Variants in ZSCAN5C observed in about 807,000 individuals in gnomAD.
ZSCAN5C encodes zinc finger and SCAN domain containing 5C, also known as zinc finger and SCAN domain-containing protein 5C.
Under a neutral mutation model 17.3 loss-of-function variants are expected in ZSCAN5C, and 11 were observed. The ratio of observed to expected loss-of-function variants is 0.64; its 90% CI spans 0.40 to 1.06. The LOEUF (loss-of-function observed/expected upper bound fraction) is 1.06, where lower values mean the gene tolerates loss of function less well. Among genes scored for constraint, ZSCAN5C ranks in the 50% least tolerant of loss-of-function variants. The pLI is 0.00. For synonymous variants in ZSCAN5C, 229 were observed against 208.4 expected (o/e 1.10, Z -0.85); for missense variants, 698 against 538.9 (o/e 1.30, Z -2.92).
At chr19:56,208,713 C>G in exon 5 of ZSCAN5C, 1 of 1,612,614 alleles carries the variant, frequency 6.2e-7, no homozygotes, top group South Asian at 1.1e-5. Context: ...CCAGTTCATT[C>G]CCCAGGCCCT....
intron 1 of ZSCAN5C, among the ~76,000 whole-genome samples, chr19:56,203,295 A>T (rs908019722): frequency 3.0e-4 from 45 of 151,204 alleles, no homozygotes; most frequent in African/African-American, 8.1e-4. Flanking sequence ...AAAAAAAAAA[A>T]TTTACTTTTA....
rs550690073 is a variant in ZSCAN5C at position 56,203,099 on chromosome 19, A to C, written c.-128+777A>C. Reference sequence around the variant, plus strand: ...TGACAGCGAATACAAAGTGGTTTCTAGGAACATGAACCCCTTTTTTTAGAG... The same window carrying C: ...TGACAGCGAATACAAAGTGGTTTCTCGGAACATGAACCCCTTTTTTTAGAG... On this transcript the variant is annotated intron_variant, in intron 1 of 4. Transcript: ENST00000534327. 4.3e-4 allele frequency among the ~76,000 whole-genome samples: 65 copies of C among 152,026 alleles called. 1 individual carries two copies. The highest frequency in any genetic ancestry group is 1.4e-3 in the African/African-American group (59 of 41,298).
exon 5 of ZSCAN5C, chr19:56,208,976 C>A (rs778059773): frequency 2.5e-6 from 4 of 1,613,478 alleles, no homozygotes; most frequent in Non-Finnish European, 3.4e-6. Context: ...GCAGTTCACC[C>A]AGAAGTCCTA....
chr19:56,205,651 C>T, intron 1 of ZSCAN5C, 136 bp from the exon 2 acceptor site: 1 of 411,570 alleles, frequency 2.4e-6, no homozygotes. Context: ...GGAAGAATAA[C>T]AGAGTGGATT....
At chr19:56,208,774 C>G in exon 5 of ZSCAN5C, 14 of 1,596,640 alleles carry the variant, frequency 8.8e-6, no homozygotes, top group Non-Finnish European at 1.2e-5. Flanking sequence ...AACTGCTGCC[C>G]TTTGCATGTG....
chr19:56,205,913 C>T (rs562462921), exon 2 of ZSCAN5C: 71 of 1,135,666 alleles, frequency 6.3e-5, no homozygotes, highest in Middle Eastern at 1.9e-4. Context: ...CCCCAGTAGA[C>T]ATGGCTGCAA....
intron 1 of ZSCAN5C, among the ~76,000 whole-genome samples, chr19:56,203,248 A>G (rs952574652): frequency 2.0e-5 from 3 of 151,680 alleles, no homozygotes; most frequent in Non-Finnish European, 4.4e-5. Flanking sequence ...CCAGAATTTC[A>G]GGCTGCCTTT....
At chr19:56,208,775 T>C (rs1053407521) in exon 5 of ZSCAN5C, 2 of 1,596,040 alleles carry the variant, frequency 1.3e-6, no homozygotes, top group Non-Finnish European at 1.7e-6. Flanking sequence ...ACTGCTGCCC[T>C]TTGCATGTGA....
chr19:56,205,800 CAGTGAATCTATTACTG>C lies in ZSCAN5C; in HGVS notation c.-111_-96del. The C allele has an allele frequency of 1.7e-6, 1 of 592,288 alleles. No homozygotes were observed. Among genetic ancestry groups the C allele is most frequent in the Non-Finnish European group, 3.0e-6 (1 of 332,814 alleles). The allele number at this position is 592,288 out of a possible 1,614,324, so 36.7% of individuals were successfully genotyped here. ...TTTTCCCTGCAGACTTCTGAATGAA[CAGTGAATCTATTACTG>C]AGAAAAACCAGGGGTGGCCTGTGTA... is the stretch of plus-strand genomic sequence containing the variant. On this transcript the variant is annotated 5_prime_UTR_variant, in exon 2 of 5. It introduces an in-frame stop codon into an upstream open reading frame of the 5' UTR. Coordinates refer to ENST00000534327, the Ensembl canonical transcript of ZSCAN5C.
chr19:56,207,168 G>C lies in ZSCAN5C; in HGVS notation c.494G>C (p.Arg165Pro), dbSNP rs28630936. 8.2e-5 allele frequency: 64 copies of C among 778,582 alleles called. 1 individual carries two copies. The highest frequency in any genetic ancestry group is 2.3e-4 in the South Asian group (17 of 73,888). 48.2% of individuals were successfully genotyped at this position (778,582 alleles called of 1,614,324 possible). ...GATCCGAGACACGTGTCCAGCCAGC[G>C]GACCTCCTCTGTGAACCAGATGTGT... Residue 165 changes from arginine (R) to proline (P), a missense_variant, in exon 3 of 5, where the codon CGG becomes CCG. This residue lies in a region of ZSCAN5C where 554 missense variants were observed against 390.5 expected (regional missense o/e 1.42). Transcript: ENST00000534327.
chr19:56,207,906 G>T, intron 3 of ZSCAN5C, 128 bp from the exon 4 acceptor site: 1 of 612,230 alleles, frequency 1.6e-6, no homozygotes, highest in South Asian at 2.0e-5. Flanking sequence ...TATGCCCAGA[G>T]AACCAAACAG....
rs367584632 is a variant in ZSCAN5C at position 56,208,687 on chromosome 19, A to G, written c.978A>G (p.Gly326=). ...CTGTGGGCAACAGAGAATCCCCGGG[A>G]CAAGCTGAGATCAATCCAGTTCATT... is the stretch of plus-strand genomic sequence containing the variant. Residue 326 remains glycine, a synonymous_variant, in exon 5 of 5, where the codon GGA becomes GGG. Transcript: ENST00000534327. The G allele has an allele frequency of 7.2e-4, 1,155 of 1,612,668 alleles. 20 individuals carry two copies. The South Asian group carries it at 0.012, about 17-fold the overall frequency.
chr19:56,208,952 G>C (rs1307009716), exon 5 of ZSCAN5C: 1 of 1,613,442 alleles, frequency 6.2e-7, no homozygotes, highest in African/African-American at 1.3e-5. Context: ...CTACACGTGT[G>C]ACATCTGCCA....
chr19:56,208,872 T>C (rs980901920), exon 5 of ZSCAN5C: 3 of 1,591,416 alleles, frequency 1.9e-6, no homozygotes, highest in African/African-American at 2.7e-5. Context: ...CAGTGTAATC[T>C]CTGCGGGAAG....
Position 56,208,800 on chromosome 19 carries a change from G to C in ZSCAN5C, c.1091G>C (p.Arg364Thr). Residue 364 changes from arginine (R) to threonine (T), a missense_variant, in exon 5 of 5, where the codon AGG becomes ACG. Around this residue, in one of 3 missense-constraint regions of ZSCAN5C, gnomAD observed 554 missense variants for 390.5 expected, o/e 1.42. Coordinates refer to ENST00000534327, the Ensembl canonical transcript of ZSCAN5C. ...TTTGCATGTGAGGTGTGCGGCAAGA[G>C]GTTTAAGTATCGCGGCAAGTTAGCC... 7 of 1,576,034 alleles carry C rather than the reference G, an allele frequency of 4.4e-6. 1 individual carries two copies. The South Asian group carries it at 5.5e-5, about 12-fold the overall frequency.
At chr19:56,205,924 A>G (rs2032914961) in exon 2 of ZSCAN5C, 1 of 1,210,796 alleles carries the variant, frequency 8.3e-7, no homozygotes, top group Admixed American at 1.7e-5. Context: ...ATGGCTGCAA[A>G]TTGCACATCC....
chr19:56,203,426 C>A (rs545605386), intron 1 of ZSCAN5C, among the ~76,000 whole-genome samples: 1 of 151,898 alleles, frequency 6.6e-6, no homozygotes, highest in East Asian at 1.9e-4. Context: ...ATGGACTAAT[C>A]ATTTTTGGTC....
At position 56,207,055 on chromosome 19, in the gene ZSCAN5C, A is replaced by G. The variant is rs1339095326; in HGVS notation, c.385-4A>G. On this transcript the variant is annotated splice_region_variant and splice_polypyrimidine_tract_variant and intron_variant, in intron 2 of 4. Transcript: ENST00000534327. ...TAGTCTGATTGCTTTTTTTCTCTCT[A>G]TAGTCTGTAGTCAGTTTTCTTGGCA... 5.6e-6 allele frequency: 4 copies of G among 712,784 alleles called. No homozygotes were observed. Among genetic ancestry groups the G allele is most frequent in the Admixed American group, 2.0e-5 (1 of 50,384 alleles). The allele number at this position is 712,784 out of a possible 1,614,324, so 44.2% of individuals were successfully genotyped here.
exon 5 of ZSCAN5C, chr19:56,209,073 TGAA>T: frequency 1.2e-6 from 2 of 1,601,022 alleles, no homozygotes; most frequent in Non-Finnish European, 1.7e-6. Flanking sequence ...AAGGCAAATC[TGAA>T]GGAGCACCAG....
Sources: allele counts gnomAD v4.1 joint callset (sites outside exome capture counted in the v4.1 genomes callset), GRCh38; gene constraint gnomAD v4.1.1; regional missense constraint gnomAD v4.1.1; transcripts MANE v1.5; gene names NCBI Gene and HGNC (gene_info 2026-07-23, HGNC 2026-07-21).